The following SLC22A5 variants were observed in gnomAD, a reference collection of about 807,000 sequenced individuals.
The protein encoded by SLC22A5 is solute carrier family 22 member 5, also known as organic cation/carnitine transporter 2.
In SLC22A5, 44 loss-of-function variants were observed where a neutral mutation model predicts 56.7. That is an observed-to-expected ratio of 0.78 (90% CI 0.61 to 1.00). The LOEUF (loss-of-function observed/expected upper bound fraction) is 1.00. Ranked by LOEUF, SLC22A5 falls within the 50% of genes least tolerant of loss-of-function variation. The probability of loss-of-function intolerance (pLI) is 0.00; values close to 1 mark genes in which losing one functional copy is unlikely to be tolerated. For missense variants in SLC22A5, 675 were observed against 723.0 expected (o/e 0.93, Z 0.76); for synonymous variants, 278 against 292.1 (o/e 0.95, Z 0.49).
In SLC22A5 at chr5:132,370,249, TC is replaced by T; in HGVS notation, c.278del (p.Ser93TrpfsTer37). 1 of 1,578,526 alleles carries T rather than the reference TC, an allele frequency of 6.3e-7. No individual in the cohort carries two copies. Among genetic ancestry groups the T allele is most frequent in the South Asian group, 1.1e-5 (1 of 87,106 alleles). On this transcript the variant is annotated frameshift_variant, in exon 1 of 10. Coordinates refer to ENST00000245407, the MANE Select transcript of SLC22A5 (RefSeq NM_003060.4). LOFTEE classifies it high-confidence loss of function. ...RYRLATIANF[S>X]ALGLEPGRDV... ...CCGGCTCGCCACCATCGCCAACTTC[TC>T]GGCGCTTGGGCTGGAGCCGGGGCGC...
At chr5:132,372,472 G>A (rs1751969404) in intron 1 of SLC22A5, among the ~76,000 whole-genome samples, 1 of 152,192 alleles carries the variant, frequency 6.6e-6, no homozygotes, top group Non-Finnish European at 1.5e-5. Flanking sequence ...TTCCTGCTTT[G>A]CTGCCTCCAT....
At chr5:132,375,197 G>A (rs1752093635) in intron 1 of SLC22A5, among the ~76,000 whole-genome samples, 1 of 152,198 alleles carries the variant, frequency 6.6e-6, no homozygotes, top group South Asian at 2.1e-4. Context: ...ACTCACCTAT[G>A]TACCAAAGAG....
chr5:132,390,738 C>A lies in SLC22A5; in HGVS notation c.1101C>A (p.Asn367Lys). 6.2e-7 allele frequency: 1 copy of A among 1,614,254 alleles called. No individual in the cohort carries two copies. The highest frequency in any genetic ancestry group is 8.5e-7 in the Non-Finnish European group (1 of 1,180,028). Residue 367 changes from asparagine to lysine, a missense_variant, in exon 7 of 10, where the codon AAC becomes AAA. Physicochemically the swap from Asn to Lys is moderately conservative, Grantham distance 94 (BLOSUM62 0). Coordinates refer to ENST00000245407, the MANE Select transcript of SLC22A5 (RefSeq NM_003060.4). ...TTGGGCTTTCGCTTGATACTCCTAA[C>A]TTGCATGGGGACATCTTTGTGAACT... ...GYFGLSLDTP[N>K]LHGDIFVNCF...
At chr5:132,389,634 G>T (rs991345035) in intron 6 of SLC22A5, 1 of 160,582 alleles carries the variant, frequency 6.2e-6, no homozygotes, top group African/African-American at 2.4e-5. Context: ...GATTCTAGGC[G>T]ACTTCTGGAG....
At chr5:132,384,090 G>A (rs1023824938) in intron 2 of SLC22A5, 57 bp from the exon 3 acceptor site, 2 of 1,573,134 alleles carry the variant, frequency 1.3e-6, no homozygotes, top group Admixed American at 1.7e-5. Flanking sequence ...ACTTGGTGGA[G>A]CCCATTCCTG....
Position 132,369,750 on chromosome 5 carries a change from T to G in SLC22A5, c.-223T>G. 4.0e-6 allele frequency: 2 copies of G among 498,380 alleles called. No homozygotes were observed. Among genetic ancestry groups the G allele is most frequent in the Non-Finnish European group, 6.6e-6 (2 of 300,916 alleles). 30.9% of individuals were successfully genotyped at this position (498,380 alleles called of 1,614,324 possible). ...GCTCTGCCTGCCAGCGGGGCGCGCCTTGCGGCCCAGGCCCGCAACCTTCCC... is the reference window on the plus strand; with the variant it reads ...GCTCTGCCTGCCAGCGGGGCGCGCCGTGCGGCCCAGGCCCGCAACCTTCCC... On this transcript the variant is annotated 5_prime_UTR_variant, in exon 1 of 10. Coordinates refer to ENST00000245407, the MANE Select transcript of SLC22A5 (RefSeq NM_003060.4).
intron 2 of SLC22A5, chr5:132,381,953 C>G (rs1561569138): frequency 6.6e-6 from 1 of 151,998 alleles, no homozygotes; most frequent in Non-Finnish European, 1.5e-5. Flanking sequence ...TAGGAACCAC[C>G]CCTTGGTTGG....
chr5:132,370,953 C>CTTTTTTTTT (rs750736082), intron 1 of SLC22A5, among the ~76,000 whole-genome samples: 15,907 of 133,168 alleles, frequency 0.12, 1,662 homozygotes, highest in South Asian at 0.29. Context: ...AGTTGTCAGT[C>CTTTTTTTTT]TTTTTTTTTT....
chr5:132,378,459 A>C lies in SLC22A5; in HGVS notation c.475A>C (p.Ile159Leu), dbSNP rs1358453861. Residue 159 changes from isoleucine to leucine, a missense_variant, in exon 2 of 10, where the codon ATT becomes CTT. Coordinates refer to ENST00000245407, the MANE Select transcript of SLC22A5 (RefSeq NM_003060.4). ...CGTGGGTGTGCTGTTGGGCTCCTTC[A>C]TTTCAGGGCAGCTGTCAGACAGGTA... ...FFVGVLLGSF[I>L]SGQLSDRFGR... 6.2e-6 allele frequency: 10 copies of C among 1,614,130 alleles called. No individual in the cohort carries two copies. In the South Asian group the frequency reaches 7.7e-5, roughly 12 times the overall value.
At chr5:132,378,356 AC>A (rs1752222160) in intron 1 of SLC22A5, 21 bp from the exon 2 acceptor site, 2 of 1,611,778 alleles carry the variant, frequency 1.2e-6, no homozygotes, top group African/African-American at 2.7e-5. Context: ...TGAATGATAC[AC>A]CCCCTTTGCT....
intron 9 of SLC22A5, 32 bp from the exon 10 acceptor site, chr5:132,394,153 T>C: frequency 7.2e-7 from 1 of 1,389,130 alleles, no homozygotes; most frequent in Middle Eastern, 1.8e-4. Flanking sequence ...TTTTAAAATG[T>C]GTTACTGACA....
chr5:132,376,531 G>A (rs532159638), intron 1 of SLC22A5: 23 of 152,306 alleles, frequency 1.5e-4, no homozygotes, highest in Admixed American at 2.6e-4. Context: ...GTCTTTAGAA[G>A]CCTGATATTG....
intron 2 of SLC22A5, 46 bp from the exon 3 acceptor site, chr5:132,384,101 C>T: frequency 1.2e-6 from 2 of 1,605,904 alleles, no homozygotes; most frequent in Non-Finnish European, 1.7e-6. Flanking sequence ...CCCATTCCTG[C>T]TGCCCTTTTC....
chr5:132,370,735 G>T (rs995168446), intron 1 of SLC22A5, among the ~76,000 whole-genome samples: 6 of 152,174 alleles, frequency 3.9e-5, no homozygotes, highest in African/African-American at 1.2e-4. Flanking sequence ...TGGGCCAGGG[G>T]CTATCCCGTT....
intron 1 of SLC22A5, among the ~76,000 whole-genome samples, chr5:132,374,812 T>C (rs1752076900): frequency 6.6e-6 from 1 of 151,180 alleles, no homozygotes; most frequent in South Asian, 2.1e-4. Context: ...TCCCAGGGCT[T>C]TGGGAGGCCA....
chr5:132,394,508 C>G lies in SLC22A5; in HGVS notation c.*236C>G. The G allele has an allele frequency of 1.7e-6, 1 of 579,060 alleles. No homozygotes were observed. Among genetic ancestry groups the G allele is most frequent in the Non-Finnish European group, 3.1e-6 (1 of 323,696 alleles). The allele number at this position is 579,060 out of a possible 1,614,324, so 35.9% of individuals were successfully genotyped here. On this transcript the variant is annotated 3_prime_UTR_variant, in exon 10 of 10. Transcript: ENST00000245407. ...ACAGACAACTTCATCTAAGTCCTAA[C>G]TATTACAATGATGGACTCAGCACCT...
Position 132,370,198 on chromosome 5 carries a change from G to T in SLC22A5, c.226G>T (p.Glu76Ter), listed in dbSNP as rs1751846087. ...TVPLRLRDGR[E>*]VPHSCRRYRL... ...CCCACTGCGGCTGCGGGACGGCCGC[G>T]AGGTGCCCCACAGCTGCCGCCGCTA... The change falls in exon 1 of 10, where the codon GAG (glutamate) becomes TAG (stop). Residue 76 changes from glutamate (E) to a stop codon, truncating the protein, a stop_gained. Transcript: ENST00000245407. LOFTEE classifies it high-confidence loss of function. 6.3e-7 allele frequency: 1 copy of T among 1,592,540 alleles called. No individual in the cohort carries two copies. Among genetic ancestry groups the T allele is most frequent in the African/African-American group, 1.3e-5 (1 of 74,444 alleles).
intron 1 of SLC22A5, chr5:132,377,348 T>G (rs1752181300): frequency 6.6e-6 from 1 of 152,236 alleles, no homozygotes; most frequent in South Asian, 2.1e-4. Context: ...GAGGGCAGGC[T>G]AGCAGCCTGG....
chr5:132,388,021 T>C (rs1752591334), intron 5 of SLC22A5, among the ~76,000 whole-genome samples: 1 of 152,222 alleles, frequency 6.6e-6, no homozygotes, highest in African/African-American at 2.4e-5. Context: ...ACAGTTATTG[T>C]AGACAGCGGA....
Sources: gnomAD v4.1 joint callset for allele counts (sites outside exome capture counted in the v4.1 genomes callset) on GRCh38, gnomAD v4.1.1 for gene constraint, MANE v1.5 for transcripts, NCBI Gene and HGNC (gene_info 2026-07-23, HGNC 2026-07-21) for gene names.